The following KCNV1 variants were observed in gnomAD, a reference collection of about 807,000 sequenced individuals.
The protein encoded by KCNV1 is potassium voltage-gated channel subfamily V member 1.
Under a neutral mutation model 36.4 loss-of-function variants are expected in KCNV1, and 2 were observed. The observed-to-expected ratio is 0.05, with a 90% CI of 0.02 to 0.17. KCNV1 has a LOEUF of 0.17. Ranked by LOEUF, KCNV1 falls within the 10% of genes least tolerant of loss-of-function variation. The pLI is 1.00. For missense variants in KCNV1, 321 were observed against 643.6 expected, an observed-to-expected ratio of 0.50 and a Z score of 5.42; for synonymous variants, 280 against 261.1, an observed-to-expected ratio of 1.07 and a Z score of -0.70.
Position 109,964,893 on chromosome 8 carries a change from G to C in KCNV1, c.*3195C>G, listed in dbSNP as rs1819927227. On this transcript the variant is annotated 3_prime_UTR_variant, in exon 4 of 4. Coordinates refer to ENST00000524391, the MANE Select transcript of KCNV1 (RefSeq NM_014379.4). ...AATCAGGAAAAATAACTGGTGCTAG[G>C]TTTAATACCTGGGTGATGAAATAAT... 6.6e-6 allele frequency: 1 copy of C among 151,980 alleles called. No homozygotes were observed. Among genetic ancestry groups the C allele is most frequent in the Non-Finnish European group, 1.5e-5 (1 of 68,028 alleles). The allele number at this position is 151,980 out of a possible 1,614,324, so 9.4% of individuals were successfully genotyped here.
Position 109,974,369 on chromosome 8 carries a change from G to A in KCNV1, c.20C>T (p.Ala7Val). Reference sequence around the variant, plus strand: ...GCTGTCCAGCGGCGAGTCCAGCAGCGCTCTGCCGCTGGAAGGCATCTCTAA... The same window carrying A: ...GCTGTCCAGCGGCGAGTCCAGCAGCACTCTGCCGCTGGAAGGCATCTCTAA... MPSSGRALLDSPLDSGS... is the reference protein window; with the variant it reads MPSSGRVLLDSPLDSGS... The change falls in exon 2 of 4, where the codon GCG (alanine) becomes GTG (valine). Residue 7 changes from alanine to valine, a missense_variant. Ala to Val is a moderately conservative substitution (Grantham distance 64). This residue lies in a region of KCNV1 where 39 missense variants were observed against 50.8 expected (regional missense o/e 0.77). Coordinates refer to ENST00000524391, the MANE Select transcript of KCNV1 (RefSeq NM_014379.4). This position sits in a 1 kb window ranked among gnomAD's most constrained non-coding sequence, Gnocchi z 6.2. 6.6e-7 allele frequency: 1 copy of A among 1,504,246 alleles called. No homozygotes were observed. The highest frequency in any genetic ancestry group is 8.8e-7 in the Non-Finnish European group (1 of 1,132,708). The allele number at this position is 1,504,246 out of a possible 1,614,324, so 93.2% of individuals were successfully genotyped here.
In KCNV1 at chr8:109,965,542, C is replaced by G. The variant is rs1563833674; in HGVS notation, c.*2546G>C. ...CTACATCTTGACAACATTTATATAG[C>G]TAACAGCACATTTGTAGAGAAGATG... On this transcript the variant is annotated 3_prime_UTR_variant, in exon 4 of 4. Transcript: ENST00000524391. The G allele has an allele frequency of 6.6e-6, 1 of 152,056 alleles. No individual in the cohort carries two copies. Among genetic ancestry groups the G allele is most frequent in the Non-Finnish European group, 1.5e-5 (1 of 68,000 alleles). The allele number at this position is 152,056 out of a possible 1,614,324, so 9.4% of individuals were successfully genotyped here. A position where few individuals can be genotyped will look rare whatever the true frequency, so the allele number is the denominator to read the frequency against.
Position 109,966,046 on chromosome 8 carries a change from C to G in KCNV1, c.*2042G>C, listed in dbSNP as rs1819940537. The stretch of plus-strand genomic sequence containing the variant: ...CCTAGTCTTGTTTAAGAAAGACTCC[C>G]TAGTCCCCAGAACACCAAAGATCCT... On this transcript the variant is annotated 3_prime_UTR_variant, in exon 4 of 4. Transcript: ENST00000524391. 6.6e-6 allele frequency: 1 copy of G among 152,084 alleles called. No individual in the cohort carries two copies. The highest frequency in any genetic ancestry group is 2.4e-5 in the African/African-American group (1 of 41,416). 9.4% of individuals were successfully genotyped at this position (152,084 alleles called of 1,614,324 possible).
Position 109,974,122 on chromosome 8 carries a change from C to G in KCNV1, c.267G>C (p.Glu89Asp), listed in dbSNP as rs1343962971. The G allele has an allele frequency of 1.2e-6, 2 of 1,612,094 alleles. No homozygotes were observed. Among genetic ancestry groups the G allele is most frequent in the Non-Finnish European group, 1.7e-6 (2 of 1,179,478 alleles). The change falls in exon 2 of 4, where the codon GAG becomes GAC. Residue 89 changes from glutamate to aspartate, a missense_variant. Transcript: ENST00000524391. This position sits in a 1 kb window ranked among gnomAD's most constrained non-coding sequence, Gnocchi z 6.2. ...GALAAVPSPLELCDDANPVDN... is the reference protein window; with the variant it reads ...GALAAVPSPLDLCDDANPVDN... ...CCACGGGGTTGGCATCGTCGCAAAG[C>G]TCCAGAGGGCTGGGCACGGCGGCCA...
chr8:109,964,790 A>G lies in KCNV1; in HGVS notation c.*3298T>C, dbSNP rs1819926083. 1 of 152,200 alleles carries G rather than the reference A, an allele frequency of 6.6e-6. No individual in the cohort carries two copies. The highest frequency in any genetic ancestry group is 1.5e-5 in the Non-Finnish European group (1 of 68,030). The allele number at this position is 152,200 out of a possible 1,614,324, so 9.4% of individuals were successfully genotyped here. On this transcript the variant is annotated 3_prime_UTR_variant, in exon 4 of 4. Transcript: ENST00000524391. ...CTCACTTATAAGTGGGAGCTAAATG[A>G]TGAGAGCACATGAACACATAGAGGG...
chr8:109,973,757 T>C (rs936807676), intron 2 of KCNV1, among the ~76,000 whole-genome samples, 171 bp downstream of exon 2: 50 of 152,132 alleles, frequency 3.3e-4, no homozygotes, highest in African/African-American at 1.2e-3. Flanking sequence ...TTGGCGTTGA[T>C]GCTTTCCAGT....
intron 2 of KCNV1, among the ~76,000 whole-genome samples, chr8:109,973,709 A>G (rs1820040849): frequency 6.6e-6 from 1 of 152,202 alleles, no homozygotes; most frequent in South Asian, 2.1e-4. Flanking sequence ...CATACTCAAA[A>G]AAGGGAACAA....
Position 109,968,274 on chromosome 8 carries a change from T to A in KCNV1, c.1317A>T (p.Lys439Asn). The change falls in exon 4 of 4, where the codon AAA becomes AAT. Residue 439 changes from lysine (K) to asparagine (N), a missense_variant. Physicochemically the swap from Lys to Asn is moderately conservative, Grantham distance 94 (BLOSUM62 0). Transcript: ENST00000524391. This position sits in a 1 kb window ranked among gnomAD's most constrained non-coding sequence, Gnocchi z 5.3. ...DRFSACYFTL[K>N]LKEAAVRQRE... ...GCTGTCTAACAGCTGCTTCCTTGAG[T>A]TTCAAGGTGAAGTAGCAAGCAGAGA... 6.2e-7 allele frequency: 1 copy of A among 1,614,008 alleles called. No individual in the cohort carries two copies. The highest frequency in any genetic ancestry group is 8.5e-7 in the Non-Finnish European group (1 of 1,179,990).
rs546937464 is a variant in KCNV1 at position 109,966,180 on chromosome 8, G to A, written c.*1908C>T. On this transcript the variant is annotated 3_prime_UTR_variant, in exon 4 of 4. Transcript: ENST00000524391. ...TTGAGGATAAAATGGCATAATACAT[G>A]ATGAATACAGAGCATAGTCCTGGAT... 6.6e-6 allele frequency: 1 copy of A among 152,246 alleles called. No individual in the cohort carries two copies. The highest frequency in any genetic ancestry group is 1.5e-5 in the Non-Finnish European group (1 of 68,020). 9.4% of individuals were successfully genotyped at this position (152,246 alleles called of 1,614,324 possible).
At position 109,964,472 on chromosome 8, in the gene KCNV1, G is replaced by T. The variant is rs2130893512; in HGVS notation, c.*3616C>A. The T allele has an allele frequency of 6.6e-6, 1 of 152,136 alleles. No individual in the cohort carries two copies. The highest frequency in any genetic ancestry group is 1.5e-5 in the Non-Finnish European group (1 of 68,004). The allele number at this position is 152,136 out of a possible 1,614,324, so 9.4% of individuals were successfully genotyped here. Reference sequence around the variant, plus strand: ...AAGACCTAAAAACAGAAATACCACTGGATCCAGCAATCCCATTAATGGGTA... The same window carrying T: ...AAGACCTAAAAACAGAAATACCACTTGATCCAGCAATCCCATTAATGGGTA... On this transcript the variant is annotated 3_prime_UTR_variant, in exon 4 of 4. Transcript: ENST00000524391.
In KCNV1 at chr8:109,968,718, C is replaced by T; in HGVS notation, c.992-119G>A. 1.0e-6 allele frequency: 1 copy of T among 974,374 alleles called. No homozygotes were observed. The highest frequency in any genetic ancestry group is 1.5e-6 in the Non-Finnish European group (1 of 669,824). The allele number at this position is 974,374 out of a possible 1,614,324, so 60.4% of individuals were successfully genotyped here. ...AACTGCACTGCACACTTAAATGTCCCCAGCACTGGGCAATGTTCTGGGGAT... is the reference window on the plus strand; with the variant it reads ...AACTGCACTGCACACTTAAATGTCCTCAGCACTGGGCAATGTTCTGGGGAT... On this transcript the variant is annotated intron_variant, in intron 3 of 3. Transcript: ENST00000524391. This position sits in a 1 kb window ranked among gnomAD's most constrained non-coding sequence, Gnocchi z 5.3.
chr8:109,970,645 TGTA>T (rs2130897089), intron 3 of KCNV1, among the ~76,000 whole-genome samples: 1 of 152,326 alleles, frequency 6.6e-6, no homozygotes, highest in South Asian at 2.1e-4. Flanking sequence ...TTTTAATAAA[TGTA>T]GTGTTGAGGC....
rs1820064367 is a variant in KCNV1 at position 109,975,045 on chromosome 8, C to G, written c.-657G>C. The G allele has an allele frequency of 1.3e-5, 2 of 152,498 alleles. No homozygotes were observed. Among genetic ancestry groups the G allele is most frequent in the African/African-American group, 4.8e-5 (2 of 41,412 alleles). 9.4% of individuals were successfully genotyped at this position (152,498 alleles called of 1,614,324 possible). A position where few individuals can be genotyped will look rare whatever the true frequency, so the allele number is the denominator to read the frequency against. ...TTTTACTGCTGCTTCATAGGCCTCCCCCGGGGTGTTCGCTGGGGGTGTGAG... is the reference window on the plus strand; with the variant it reads ...TTTTACTGCTGCTTCATAGGCCTCCGCCGGGGTGTTCGCTGGGGGTGTGAG... On this transcript the variant is annotated 5_prime_UTR_variant, in exon 2 of 4. Coordinates refer to ENST00000524391, the MANE Select transcript of KCNV1 (RefSeq NM_014379.4).
chr8:109,975,421 A>C (rs1157661986), intron 1 of KCNV1, among the ~76,000 whole-genome samples, 198 bp downstream of exon 1: 3 of 152,166 alleles, frequency 2.0e-5, no homozygotes, highest in Non-Finnish European at 4.4e-5. Flanking sequence ...AGGCAAAAAG[A>C]CAAGGAATAG....
chr8:109,971,185 A>T (rs1820006514), intron 3 of KCNV1, among the ~76,000 whole-genome samples: 1 of 152,172 alleles, frequency 6.6e-6, no homozygotes, highest in Non-Finnish European at 1.5e-5. Flanking sequence ...AACATATATA[A>T]AATTAATATG....
In KCNV1 at chr8:109,968,722, C is replaced by A; in HGVS notation, c.992-123G>T. The A allele has an allele frequency of 1.1e-6, 1 of 933,370 alleles. No individual in the cohort carries two copies. Among genetic ancestry groups the A allele is most frequent in the Non-Finnish European group, 1.6e-6 (1 of 635,482 alleles). The allele number at this position is 933,370 out of a possible 1,614,324, so 57.8% of individuals were successfully genotyped here. Reference sequence around the variant, plus strand: ...GCACTGCACACTTAAATGTCCCCAGCACTGGGCAATGTTCTGGGGATACAA... The same window carrying A: ...GCACTGCACACTTAAATGTCCCCAGAACTGGGCAATGTTCTGGGGATACAA... On this transcript the variant is annotated intron_variant, in intron 3 of 3. Coordinates refer to ENST00000524391, the MANE Select transcript of KCNV1 (RefSeq NM_014379.4). This position sits in a 1 kb window ranked among gnomAD's most constrained non-coding sequence, Gnocchi z 5.3.
chr8:109,968,665 C>T lies in KCNV1; in HGVS notation c.992-66G>A. 5 of 1,504,298 alleles carry T rather than the reference C, an allele frequency of 3.3e-6. No individual in the cohort carries two copies. Among genetic ancestry groups the T allele is most frequent in the Non-Finnish European group, 4.5e-6 (5 of 1,116,222 alleles). 93.2% of individuals were successfully genotyped at this position (1,504,298 alleles called of 1,614,324 possible). On this transcript the variant is annotated intron_variant, in intron 3 of 3. Transcript: ENST00000524391. This position sits in a 1 kb window ranked among gnomAD's most constrained non-coding sequence, Gnocchi z 5.3. Reference sequence around the variant, plus strand: ...TCTCTCTCTTCCTTCCCTCCCCTCCCCTCTCCCTCCTTGCTCTGCCACCCA... The same window carrying T: ...TCTCTCTCTTCCTTCCCTCCCCTCCTCTCTCCCTCCTTGCTCTGCCACCCA...
chr8:109,966,647 G>T lies in KCNV1; in HGVS notation c.*1441C>A, dbSNP rs2130894658. 1 of 152,146 alleles carries T rather than the reference G, an allele frequency of 6.6e-6. No homozygotes were observed. Among genetic ancestry groups the T allele is most frequent in the South Asian group, 2.1e-4 (1 of 4,822 alleles). 9.4% of individuals were successfully genotyped at this position (152,146 alleles called of 1,614,324 possible). On this transcript the variant is annotated 3_prime_UTR_variant, in exon 4 of 4. Transcript: ENST00000524391. ...CAATTGACTGGCATCTTTCTTTCTT[G>T]GTAGTGCATAGCATAATATGATGTC...
intron 3 of KCNV1, among the ~76,000 whole-genome samples, chr8:109,970,817 C>A (rs1266030152): frequency 3.3e-5 from 5 of 152,072 alleles, no homozygotes; most frequent in African/African-American, 4.8e-5. Context: ...GTAGTTTTTA[C>A]TGGGTGTTTT....
Sources: gnomAD v4.1 joint callset for allele counts (sites outside exome capture counted in the v4.1 genomes callset) on GRCh38, gnomAD v4.1.1 for gene constraint, gnomAD v4.1.1 regional missense constraint, Gnocchi (gnomAD v3.1) non-coding constraint, MANE v1.5 for transcripts, NCBI Gene and HGNC (gene_info 2026-07-23, HGNC 2026-07-21) for gene names.